The following NRP2 variants were observed in gnomAD, a reference collection of about 807,000 sequenced individuals.
The protein encoded by NRP2 is neuropilin-2.
A neutral mutation model predicts 110.4 loss-of-function variants in NRP2; 52 were observed. The ratio of observed to expected loss-of-function variants is 0.47; its 90% CI spans 0.38 to 0.59. The LOEUF (loss-of-function observed/expected upper bound fraction) is 0.59. Ranked by LOEUF, NRP2 falls within the 20% of genes least tolerant of loss-of-function variation. The probability of loss-of-function intolerance (pLI) is 0.00; values close to 1 mark genes in which losing one functional copy is unlikely to be tolerated. For synonymous variants in NRP2, 508 were observed against 468.9 expected (o/e 1.08, Z -1.08); for missense variants, 1,049 against 1,203.0 (o/e 0.87, Z 1.89).
At chr2:205,783,993 C>T (rs1158216202) in intron 15 of NRP2, among the ~76,000 whole-genome samples, 1 of 75,184 alleles carries the variant, frequency 1.3e-5, no homozygotes, top group African/African-American at 4.1e-5. Flanking sequence ...TAGAGTGCAT[C>T]TCTCTCTGAC....
At chr2:205,728,111 C>A in intron 7 of NRP2, 65 bp downstream of exon 7, 6 of 1,592,502 alleles carry the variant, frequency 3.8e-6, no homozygotes, top group Non-Finnish European at 5.2e-6. Flanking sequence ...ATCAGGGGAG[C>A]TTTAAGCCGA....
intron 1 of NRP2, among the ~76,000 whole-genome samples, chr2:205,696,788 G>A (rs1429514191): frequency 6.6e-6 from 1 of 152,208 alleles, no homozygotes; most frequent in African/African-American, 2.4e-5. Context: ...AGAAGAAACA[G>A]ATGTTCATTC....
intron 12 of NRP2, among the ~76,000 whole-genome samples, chr2:205,758,924 C>G (rs1319047785): frequency 1.3e-5 from 2 of 152,124 alleles, no homozygotes; most frequent in Non-Finnish European, 2.9e-5. Flanking sequence ...AGCCCCCCGC[C>G]CCCACCATAC....
intron 2 of NRP2, among the ~76,000 whole-genome samples, chr2:205,699,002 C>T (rs889788394): frequency 6.6e-6 from 1 of 152,166 alleles, no homozygotes; most frequent in Admixed American, 6.5e-5. Flanking sequence ...CATTATTATC[C>T]CCCTAGGGCT....
intron 12 of NRP2, chr2:205,759,713 T>G (rs1337361158): frequency 6.6e-6 from 1 of 152,192 alleles, no homozygotes. Flanking sequence ...GAGTCTTGGA[T>G]TGGCCTTCCT....
chr2:205,727,868 T>C (rs370621581), intron 6 of NRP2, 23 bp from the exon 7 acceptor site: 146 of 1,605,832 alleles, frequency 9.1e-5, no homozygotes, highest in Middle Eastern at 3.3e-4. Context: ...GGTGGTCTCT[T>C]ACTCCAGCCC....
At chr2:205,744,470 C>T (rs540436630) in intron 9 of NRP2, among the ~76,000 whole-genome samples, 2 of 152,304 alleles carry the variant, frequency 1.3e-5, no homozygotes, top group East Asian at 3.9e-4. Context: ...AAACTCACCC[C>T]GAGCCAGAAG....
intron 15 of NRP2, among the ~76,000 whole-genome samples, chr2:205,769,853 G>A (rs2057991566): frequency 6.6e-6 from 1 of 152,124 alleles, no homozygotes; most frequent in African/African-American, 2.4e-5. Context: ...GAAAAGTGGT[G>A]TAATTAAGGT....
intron 10 of NRP2, among the ~76,000 whole-genome samples, chr2:205,747,475 A>G (rs972355213): frequency 6.6e-6 from 1 of 152,228 alleles, no homozygotes; most frequent in East Asian, 1.9e-4. Context: ...ACCTGTTATG[A>G]TAAATAACTG....
intron 11 of NRP2, among the ~76,000 whole-genome samples, chr2:205,751,342 A>G (rs969412612): frequency 6.6e-6 from 1 of 151,996 alleles, no homozygotes; most frequent in Non-Finnish European, 1.5e-5. Flanking sequence ...TCTTTTTGCA[A>G]AAGTTTTTTT....
chr2:205,723,722 C>T (rs752228953), intron 4 of NRP2, 63 bp from the exon 5 acceptor site: 15 of 1,555,804 alleles, frequency 9.6e-6, no homozygotes, highest in African/African-American at 4.1e-5. Context: ...GAAGGGAAAA[C>T]GGAGTGAAAA....
chr2:205,743,824 A>C (rs1575615334), intron 9 of NRP2: 1 of 487,184 alleles, frequency 2.1e-6, no homozygotes, highest in South Asian at 2.8e-5. Context: ...GCTCACTGCA[A>C]CCTCCGCCTC....
At chr2:205,776,676 C>A in intron 15 of NRP2, 1 of 1,541,812 alleles carries the variant, frequency 6.5e-7, no homozygotes, top group East Asian at 2.4e-5. Flanking sequence ...CTTATCAATC[C>A]CAACCATCCT....
At chr2:205,792,876 A>C (rs1196417104) in intron 16 of NRP2, among the ~76,000 whole-genome samples, 1 of 152,078 alleles carries the variant, frequency 6.6e-6, no homozygotes, top group Non-Finnish European at 1.5e-5. Flanking sequence ...TGTAGATGTA[A>C]TTTCTTCCCT....
chr2:205,754,805 GGT>G (rs3836090), intron 12 of NRP2, among the ~76,000 whole-genome samples: 1 of 151,158 alleles, frequency 6.6e-6, no homozygotes, highest in African/African-American at 2.4e-5. Flanking sequence ...TCTGTGCATG[GGT>G]GTGTGTGTGT....
At chr2:205,727,768 T>C (rs2057155034) in intron 6 of NRP2, 123 bp from the exon 7 acceptor site, 2 of 897,468 alleles carry the variant, frequency 2.2e-6, no homozygotes, top group Non-Finnish European at 3.3e-6. Flanking sequence ...ATTACAAGTA[T>C]GTCTCAGTGA....
intron 2 of NRP2, among the ~76,000 whole-genome samples, chr2:205,704,582 C>A (rs1444510237): frequency 6.6e-6 from 1 of 152,204 alleles, no homozygotes; most frequent in African/African-American, 2.4e-5. Context: ...ACAGGGTCCA[C>A]CCAGCAACTC....
chr2:205,787,379 G>A (rs1411852113), intron 15 of NRP2, among the ~76,000 whole-genome samples: 2 of 152,132 alleles, frequency 1.3e-5, no homozygotes, highest in African/African-American at 4.8e-5. Flanking sequence ...CTCAGGGTTG[G>A]CATGGAAGGG....
At chr2:205,696,196 C>T (rs1021647806) in intron 1 of NRP2, among the ~76,000 whole-genome samples, 1 of 152,112 alleles carries the variant, frequency 6.6e-6, no homozygotes, top group African/African-American at 2.4e-5. Flanking sequence ...CCTGTCAGGC[C>T]GGTAGTCTAA....
Sources: gnomAD v4.1 joint callset for allele counts (sites outside exome capture counted in the v4.1 genomes callset) on GRCh38, gnomAD v4.1.1 for gene constraint, MANE v1.5 for transcripts, NCBI Gene and HGNC (gene_info 2026-07-23, HGNC 2026-07-21) for gene names.